Variants in HDAC4 observed in about 807,000 individuals in gnomAD.
HDAC4 encodes the protein histone deacetylase 4, also known as histone deacetylase A.
A neutral mutation model predicts 135.1 loss-of-function variants in HDAC4; 16 were observed. That is an observed-to-expected ratio of 0.12 (90% confidence interval 0.08 to 0.18). HDAC4 has a LOEUF of 0.18. Among genes scored for constraint, HDAC4 ranks in the 10% least tolerant of loss-of-function variants. HDAC4 has a pLI of 1.00. For missense variants in HDAC4, 1,143 were observed against 1,511.8 expected, an observed-to-expected ratio of 0.76 and a Z score of 4.05; for synonymous variants, 685 against 653.4, an observed-to-expected ratio of 1.05 and a Z score of -0.74.
At chr2:239,378,996 C>A (rs1695223600) in intron 1 of HDAC4, among the ~76,000 whole-genome samples, 1 of 152,204 alleles carries the variant, frequency 6.6e-6, no homozygotes, top group African/African-American at 2.4e-5. Context: ...CACTGGCACA[C>A]AGCAGAATCT....
At chr2:239,323,442 A>C (rs2053377760) in intron 2 of HDAC4, among the ~76,000 whole-genome samples, 1 of 152,194 alleles carries the variant, frequency 6.6e-6, no homozygotes, top group Non-Finnish European at 1.5e-5. Flanking sequence ...ACTACATCTT[A>C]ACTTTTGAAA....
Position 239,144,637 on chromosome 2 carries a change from T to G in HDAC4, c.811A>C (p.Arg271=). The G allele has an allele frequency of 6.2e-7, 1 of 1,614,204 alleles. No individual in the cohort carries two copies. The part of the protein sequence containing the change: ...AERRSSPLLR[R]KDGPVVTALK... ...GCAGTGACCACTGGCCCGTCTTTCC[T>G]GCGTAACAGGGGGCTGCTCCGTCTT... The change falls in exon 8 of 27, where the codon AGG becomes CGG. Residue 271 remains arginine, a synonymous_variant. Coordinates refer to ENST00000543185, the MANE Select transcript of HDAC4 (RefSeq NM_001378414.1).
chr2:239,291,871 G>A (rs564228061), intron 2 of HDAC4, among the ~76,000 whole-genome samples: 2 of 152,308 alleles, frequency 1.3e-5, no homozygotes, highest in East Asian at 3.9e-4. Flanking sequence ...GGGAGCCGCC[G>A]ATTACATTTG....
At chr2:239,218,024 A>G (rs540284749) in intron 3 of HDAC4, among the ~76,000 whole-genome samples, 15 of 152,294 alleles carry the variant, frequency 9.8e-5, no homozygotes, top group Admixed American at 6.5e-4. Flanking sequence ...CCTGGGAGGT[A>G]GAGGCTGCAG....
chr2:239,161,300 A>AT (rs1020409855), intron 6 of HDAC4, among the ~76,000 whole-genome samples: 1 of 152,150 alleles, frequency 6.6e-6, no homozygotes, highest in African/African-American at 2.4e-5. Flanking sequence ...GTTTGTGGAA[A>AT]TATCATGTTT....
chr2:239,110,660 T>C (rs1013241962), intron 14 of HDAC4, among the ~76,000 whole-genome samples: 2 of 152,268 alleles, frequency 1.3e-5, no homozygotes, highest in Non-Finnish European at 1.5e-5. Flanking sequence ...ATGAGAATCA[T>C]CTGAAGAATG....
chr2:239,300,411 C>T (rs1366411771), intron 2 of HDAC4, among the ~76,000 whole-genome samples: 1 of 152,202 alleles, frequency 6.6e-6, no homozygotes, highest in Admixed American at 6.5e-5. Flanking sequence ...GTTGATGTGG[C>T]TGCTGACAAG....
At chr2:239,149,184 C>A (rs1357384970) in intron 7 of HDAC4, among the ~76,000 whole-genome samples, 2 of 151,928 alleles carry the variant, frequency 1.3e-5, no homozygotes, top group African/African-American at 4.8e-5. Flanking sequence ...GGTGGATCAC[C>A]TGAAGTCAGG....
chr2:239,188,549 T>A (rs1045094434), intron 4 of HDAC4, among the ~76,000 whole-genome samples: 1 of 152,220 alleles, frequency 6.6e-6, no homozygotes, highest in South Asian at 2.1e-4. Flanking sequence ...AAGCACCAGG[T>A]TGCATACGGT....
intron 22 of HDAC4, among the ~76,000 whole-genome samples, chr2:239,073,845 C>G (rs1369473373): frequency 6.6e-6 from 1 of 152,246 alleles, no homozygotes; most frequent in Admixed American, 6.5e-5. Context: ...AGTCCTTTGA[C>G]TCTTGCTGGA....
intron 2 of HDAC4, among the ~76,000 whole-genome samples, chr2:239,321,256 G>A (rs2053298161): frequency 6.6e-6 from 1 of 152,094 alleles, no homozygotes; most frequent in African/African-American, 2.4e-5. Context: ...ACGAGGTCAG[G>A]AGATCGAGAC....
At chr2:239,140,851 C>T (rs761399459) in intron 8 of HDAC4, 26 of 409,410 alleles carry the variant, frequency 6.4e-5, no homozygotes, top group Admixed American at 1.6e-4. Context: ...CCCACGAGGA[C>T]GCAGGTGCCC....
At chr2:239,053,219 T>C in intron 26 of HDAC4, 83 bp from the exon 27 acceptor site, 2 of 1,552,096 alleles carry the variant, frequency 1.3e-6, no homozygotes, top group Non-Finnish European at 1.8e-6. Flanking sequence ...GGTTAAAGGC[T>C]GTGTGCTGCC....
chr2:239,205,969 C>A (rs1265048224), intron 3 of HDAC4, among the ~76,000 whole-genome samples: 1 of 152,138 alleles, frequency 6.6e-6, no homozygotes, highest in African/African-American at 2.4e-5. Context: ...AAGCAGCGGT[C>A]AGGTTGGGGC....
chr2:239,184,587 G>A (rs1208007693), intron 4 of HDAC4, among the ~76,000 whole-genome samples: 3 of 145,760 alleles, frequency 2.1e-5, no homozygotes, highest in Non-Finnish European at 4.5e-5. Context: ...GCCCTATCGG[G>A]GGGGGTCCCT....
intron 2 of HDAC4, among the ~76,000 whole-genome samples, chr2:239,300,340 T>G (rs1281361650): frequency 6.6e-6 from 1 of 152,262 alleles, no homozygotes; most frequent in Non-Finnish European, 1.5e-5. Context: ...ATGTGGTTAC[T>G]TAAATTGAAA....
chr2:239,199,374 C>G (rs2045611584), intron 3 of HDAC4, among the ~76,000 whole-genome samples: 1 of 152,194 alleles, frequency 6.6e-6, no homozygotes, highest in African/African-American at 2.4e-5. Context: ...AAACAGAGCT[C>G]TTCGAGTCCC....
At chr2:239,177,763 C>G (rs2043865221) in intron 4 of HDAC4, among the ~76,000 whole-genome samples, 1 of 152,172 alleles carries the variant, frequency 6.6e-6, no homozygotes, top group Admixed American at 6.5e-5. Context: ...TGACAGGCAG[C>G]CCACTAAAAC....
intron 4 of HDAC4, among the ~76,000 whole-genome samples, chr2:239,182,755 AAAG>A (rs1275458341): frequency 6.6e-6 from 1 of 152,152 alleles, no homozygotes; most frequent in Non-Finnish European, 1.5e-5. Flanking sequence ...CTTGATCTTC[AAAG>A]AAGACACAGG....
Sources: allele counts gnomAD v4.1 joint callset (sites outside exome capture counted in the v4.1 genomes callset), GRCh38; gene constraint gnomAD v4.1.1; transcripts MANE v1.5; gene names NCBI Gene and HGNC (gene_info 2026-07-23, HGNC 2026-07-21).